C4orf54: variants seen among roughly 807,000 people sequenced by gnomAD.
The protein encoded by C4orf54 is uncharacterized protein C4orf54.
C4orf54 carries 67 observed loss-of-function variants against 80.1 expected under a neutral mutation model. The observed-to-expected ratio is 0.84, with a 90% CI of 0.69 to 1.03. The LOEUF is 1.03. C4orf54 is among the 50% of genes least tolerant of loss of function. The pLI, the probability that C4orf54 is intolerant of heterozygous loss-of-function variation, is 0.00. For synonymous variants in C4orf54, 1,000 were observed against 917.0 expected, an observed-to-expected ratio of 1.09 and a Z score of -1.64; for missense variants, 2,434 against 2,253.5, an observed-to-expected ratio of 1.08 and a Z score of -1.62.
At chr4:99,648,453 A>G (rs751017205) in intron 2 of C4orf54, among the ~76,000 whole-genome samples, 4 of 152,172 alleles carry the variant, frequency 2.6e-5, no homozygotes, top group Admixed American at 6.5e-5. Context: ...GCAGCAAAGC[A>G]TAATGTGTTC....
chr4:99,651,053 C>A lies in C4orf54; in HGVS notation c.3596G>T (p.Gly1199Val). 1.3e-6 allele frequency: 2 copies of A among 1,536,112 alleles called. No homozygotes were observed. Among genetic ancestry groups the A allele is most frequent in the Non-Finnish European group, 1.7e-6 (2 of 1,146,902 alleles). The stretch of plus-strand genomic sequence containing the variant: ...GGCAATGGTAGCCACAGGCAGCCTG[C>A]CAGATGCCCTGTGAACCAAGACTGT... ...EGTVLVHRASGRLPVATIAPN... is the reference protein window; with the variant it reads ...EGTVLVHRASVRLPVATIAPN... The change falls in exon 2 of 3, where the codon GGC becomes GTC. Residue 1199 changes from glycine to valine, a missense_variant. Transcript: ENST00000511828.
chr4:99,642,169 A>G (rs1432690778), intron 2 of C4orf54, among the ~76,000 whole-genome samples: 1 of 152,182 alleles, frequency 6.6e-6, no homozygotes, highest in Non-Finnish European at 1.5e-5. Flanking sequence ...GACCATTGTG[A>G]ATTTGGAGAC....
At chr4:99,656,141 C>T (rs1022347431) in intron 1 of C4orf54, among the ~76,000 whole-genome samples, 1 of 151,272 alleles carries the variant, frequency 6.6e-6, no homozygotes, top group Non-Finnish European at 1.5e-5. Context: ...AGCCAGAGAT[C>T]TAGGTGAAGA....
intron 2 of C4orf54, among the ~76,000 whole-genome samples, chr4:99,643,796 C>CCCCCCCG (rs1313653001): frequency 2.2e-5 from 2 of 89,440 alleles, no homozygotes; most frequent in Non-Finnish European, 5.3e-5. Context: ...ACACACACCC[C>CCCCCCCG]CTCCGCGGCA....
Position 99,653,157 on chromosome 4 carries a change from G to C in C4orf54, c.1492C>G (p.Pro498Ala). The C allele has an allele frequency of 6.5e-7, 1 of 1,536,166 alleles. No individual in the cohort carries two copies. Among genetic ancestry groups the C allele is most frequent in the South Asian group, 1.2e-5 (1 of 84,054 alleles). The part of the protein sequence containing the change: ...APLTEPLPET[P>A]EAASGAAAAA... ...GCTGCTGCCCCTGAAGCTGCCTCCGGGGTCTCAGGCAAGGGCTCAGTCAGG... is the reference window on the plus strand; with the variant it reads ...GCTGCTGCCCCTGAAGCTGCCTCCGCGGTCTCAGGCAAGGGCTCAGTCAGG... Residue 498 changes from proline to alanine, a missense_variant, in exon 2 of 3, where the codon CCG becomes GCG. Coordinates refer to ENST00000511828, the MANE Select transcript of C4orf54 (RefSeq NM_001354435.2).
chr4:99,653,152 CT>C lies in C4orf54; in HGVS notation c.1496del (p.Glu499GlyfsTer32). 1 of 1,536,198 alleles carries C rather than the reference CT, an allele frequency of 6.5e-7. No homozygotes were observed. On this transcript the variant is annotated frameshift_variant, in exon 2 of 3. Transcript: ENST00000511828. LOFTEE classifies it high-confidence loss of function. ...PLTEPLPETP[E>X]AASGAAAAAA... ...CGGCGGCTGCTGCCCCTGAAGCTGCCTCCGGGGTCTCAGGCAAGGGCTCAGT... is the reference window on the plus strand; with the variant it reads ...CGGCGGCTGCTGCCCCTGAAGCTGCCCCGGGGTCTCAGGCAAGGGCTCAGT...
In C4orf54 at chr4:99,650,337, G is replaced by A. The variant is rs1346135487; in HGVS notation, c.4312C>T (p.Leu1438Phe). Residue 1438 changes from leucine (L) to phenylalanine (F), a missense_variant, in exon 2 of 3, where the codon CTC becomes TTC. By Grantham distance (22) the Leu-to-Phe change is conservative. Transcript: ENST00000511828. The part of the protein sequence containing the change: ...KGIKSQGLRS[L>F]KISPATRAPP... ...GCCCGGGTGGCTGGAGAGATCTTGAGGGACCGGAGTCCCTGCGACTTGATG... is the reference window on the plus strand; with the variant it reads ...GCCCGGGTGGCTGGAGAGATCTTGAAGGACCGGAGTCCCTGCGACTTGATG... 1 of 1,536,104 alleles carries A rather than the reference G, an allele frequency of 6.5e-7. No homozygotes were observed. The highest frequency in any genetic ancestry group is 2.0e-5 in the Admixed American group (1 of 51,004).
rs746236838 is a variant in C4orf54 at position 99,653,288 on chromosome 4, C to T, written c.1361G>A (p.Arg454His). 49 of 1,529,820 alleles carry T rather than the reference C, an allele frequency of 3.2e-5. No individual in the cohort carries two copies. The South Asian group carries it at 5.7e-4, about 18-fold the overall frequency. 94.8% of individuals were successfully genotyped at this position (1,529,820 alleles called of 1,614,324 possible). The change falls in exon 2 of 3, where the codon CGC becomes CAC. Residue 454 changes from arginine (R) to histidine (H), a missense_variant. Coordinates refer to ENST00000511828, the MANE Select transcript of C4orf54 (RefSeq NM_001354435.2). ...TPSPTSSDLA[R>H]PNAGRSGRDT... The stretch of plus-strand genomic sequence containing the variant: ...GCGGCCACTGCGGCCTGCATTGGGG[C>T]GGGCCAGGTCGCTGCTTGTAGGGCT...
chr4:99,655,146 C>T (rs1553930913), intron 1 of C4orf54, among the ~76,000 whole-genome samples: 1 of 152,184 alleles, frequency 6.6e-6, no homozygotes, highest in Non-Finnish European at 1.5e-5. Flanking sequence ...TTCCATCCCT[C>T]TTTCCCCAAA....
At position 99,652,445 on chromosome 4, in the gene C4orf54, A is replaced by G; in HGVS notation, c.2204T>C (p.Leu735Pro). 4 of 1,535,958 alleles carry G rather than the reference A, an allele frequency of 2.6e-6. No homozygotes were observed. The highest frequency in any genetic ancestry group is 2.7e-5 in the African/African-American group (2 of 73,134). ...EGEIKHVETP[L>P]CFQKQVQTGS... ...CGTCTGGACCTGCTTCTGGAAACAC[A>G]GGGGCGTCTCCACATGTTTGATTTC... The change falls in exon 2 of 3, where the codon CTG becomes CCG. Residue 735 changes from leucine (L) to proline (P), a missense_variant. Transcript: ENST00000511828.
chr4:99,652,592 G>C lies in C4orf54; in HGVS notation c.2057C>G (p.Ala686Gly). 1.3e-6 allele frequency: 2 copies of C among 1,536,054 alleles called. No individual in the cohort carries two copies. The highest frequency in any genetic ancestry group is 2.7e-5 in the African/African-American group (2 of 73,130). ...VEQSLLRSSA[A>G]SVAAGLRKGS... ...CTTCCTCAGACCTGCAGCCACAGAG[G>C]CCGCGCTGCTCCTGAGGAGGCTCTG... Residue 686 changes from alanine to glycine, a missense_variant, in exon 2 of 3, where the codon GCC (alanine) becomes GGC (glycine). Transcript: ENST00000511828.
intron 1 of C4orf54, among the ~76,000 whole-genome samples, chr4:99,656,984 G>T (rs1282544740): frequency 6.6e-6 from 1 of 152,164 alleles, no homozygotes; most frequent in Non-Finnish European, 1.5e-5. Flanking sequence ...GTTTTTTCTG[G>T]TTTTTCATAT....
At position 99,642,771 on chromosome 4, in the gene C4orf54, C is replaced by T. The variant is rs748688276; in HGVS notation, c.*37-1575G>A. On this transcript the variant is annotated intron_variant, in intron 2 of 2. Coordinates refer to ENST00000511828, the MANE Select transcript of C4orf54 (RefSeq NM_001354435.2). Reference sequence around the variant, plus strand: ...GGGAGTTTAACTGGATGACTTCCCACGGTTTTAGGACCAGAACACATGACA... The same window carrying T: ...GGGAGTTTAACTGGATGACTTCCCATGGTTTTAGGACCAGAACACATGACA... Among the ~76,000 whole-genome samples, 99 of 152,210 alleles carry T rather than the reference C, an allele frequency of 6.5e-4. 1 individual carries two copies. Among genetic ancestry groups the T allele is most frequent in the South Asian group, 2.1e-4 (1 of 4,830 alleles).
Position 99,651,410 on chromosome 4 carries a change from T to G in C4orf54, c.3239A>C (p.Asn1080Thr). The change falls in exon 2 of 3, where the codon AAC becomes ACC. Residue 1080 changes from asparagine to threonine, a missense_variant. Physicochemically the swap from Asn to Thr is moderately conservative, Grantham distance 65. Coordinates refer to ENST00000511828, the MANE Select transcript of C4orf54 (RefSeq NM_001354435.2). The part of the protein sequence containing the change: ...RAQQKLFRGD[N>T]LEKVPHFQVR... ...CTGGAAATGGGGCACTTTTTCTAGG[T>G]TGTCCCCGCGGAAGAGTTTCTGCTG... 3 of 1,536,308 alleles carry G rather than the reference T, an allele frequency of 2.0e-6. No homozygotes were observed. The South Asian group carries it at 3.6e-5, about 18-fold the overall frequency.
In C4orf54 at chr4:99,653,175, C is replaced by T; in HGVS notation, c.1474G>A (p.Glu492Lys). The change falls in exon 2 of 3, where the codon GAG becomes AAG. Residue 492 changes from glutamate to lysine, a missense_variant. By Grantham distance (56) the Glu-to-Lys change is moderately conservative. Coordinates refer to ENST00000511828, the MANE Select transcript of C4orf54 (RefSeq NM_001354435.2). ...PTGPGTAPLT[E>K]PLPETPEAAS... is the part of the protein sequence containing the mutation. ...GCCTCCGGGGTCTCAGGCAAGGGCT[C>T]AGTCAGGGGGGCAGTGCCAGGCCCA... 4 of 1,536,096 alleles carry T rather than the reference C, an allele frequency of 2.6e-6. No individual in the cohort carries two copies. The highest frequency in any genetic ancestry group is 8.7e-7 in the Non-Finnish European group (1 of 1,146,884).
rs1256114958 is a variant in C4orf54 at position 99,638,101 on chromosome 4, T to C, written c.*3132A>G. 6.6e-6 allele frequency: 1 copy of C among 152,156 alleles called. No homozygotes were observed. Among genetic ancestry groups the C allele is most frequent in the Non-Finnish European group, 1.5e-5 (1 of 67,996 alleles). 9.4% of individuals were successfully genotyped at this position (152,156 alleles called of 1,614,324 possible). A position where few individuals can be genotyped will look rare whatever the true frequency, so the allele number is the denominator to read the frequency against. Reference sequence around the variant, plus strand: ...TTTGAAAATAAGAAAAAGGAATTTATATCACCAGATATTTCCAGTGACATA... The same window carrying C: ...TTTGAAAATAAGAAAAAGGAATTTACATCACCAGATATTTCCAGTGACATA... On this transcript the variant is annotated 3_prime_UTR_variant, in exon 3 of 3. Transcript: ENST00000511828.
chr4:99,647,539 T>G (rs928867982), intron 2 of C4orf54, among the ~76,000 whole-genome samples: 1 of 152,242 alleles, frequency 6.6e-6, no homozygotes, highest in South Asian at 2.1e-4. Context: ...CCTCTTCATC[T>G]GTTATCATCA....
At position 99,653,146 on chromosome 4, in the gene C4orf54, A is replaced by G. The variant is rs113878301; in HGVS notation, c.1503T>C (p.Ala501=). 4,951 of 1,536,126 alleles carry G rather than the reference A, an allele frequency of 3.2e-3. 137 individuals are homozygous for G. The African/African-American group carries it at 0.061, about 19-fold the overall frequency. The stretch of plus-strand genomic sequence containing the variant: ...TTGCGGCGGCGGCTGCTGCCCCTGA[A>G]GCTGCCTCCGGGGTCTCAGGCAAGG... ...TEPLPETPEA[A]SGAAAAAASS... Residue 501 remains alanine, a synonymous_variant, in exon 2 of 3, where the codon GCT becomes GCC. Coordinates refer to ENST00000511828, the MANE Select transcript of C4orf54 (RefSeq NM_001354435.2).
In C4orf54 at chr4:99,652,660, A is replaced by G; in HGVS notation, c.1989T>C (p.Thr663=). Residue 663 remains threonine, a synonymous_variant, in exon 2 of 3, where the codon ACT becomes ACC. Transcript: ENST00000511828. ...CACCCCCACATTTTAAGTCCAGGAA[A>G]GTTGACCAGCGCCCAAAGCCCACTT... ...LSEVGFGRWS[T]FLDLKCGGVG... 1 of 1,536,052 alleles carries G rather than the reference A, an allele frequency of 6.5e-7. No individual in the cohort carries two copies. The highest frequency in any genetic ancestry group is 8.7e-7 in the Non-Finnish European group (1 of 1,146,882).
Sources: allele counts gnomAD v4.1 joint callset (sites outside exome capture counted in the v4.1 genomes callset), GRCh38; gene constraint gnomAD v4.1.1; transcripts MANE v1.5; gene names NCBI Gene and HGNC (gene_info 2026-07-23, HGNC 2026-07-21).